The following DHRSX variants were observed in gnomAD, a reference collection of about 807,000 sequenced individuals.
DHRSX encodes dehydrogenase/reductase X-linked, also known as polyprenol dehydrogenase.
A neutral mutation model predicts 34.0 loss-of-function variants in DHRSX; 31 were observed. The observed-to-expected ratio is 0.91, with a 90% CI of 0.69 to 1.23. DHRSX has a LOEUF of 1.23. Ranked by LOEUF, DHRSX falls within the 50% of genes most tolerant of loss-of-function variation. DHRSX has a pLI of 0.00. For synonymous variants in DHRSX, 201 were observed against 183.8 expected, an observed-to-expected ratio of 1.09 and a Z score of -0.76; for missense variants, 414 against 428.1, an observed-to-expected ratio of 0.97 and a Z score of 0.29.
chrX:2,399,293 T>C (rs1442942158), intron 3 of DHRSX, among the ~76,000 whole-genome samples: 1 of 151,936 alleles, frequency 6.6e-6, no homozygotes, highest in Admixed American at 6.6e-5. Flanking sequence ...TCTATCTGTT[T>C]ATCTACGCAT....
chrX:2,499,644 C>T (rs1427656981), intron 1 of DHRSX, among the ~76,000 whole-genome samples: 4 of 151,910 alleles, frequency 2.6e-5, no homozygotes, highest in East Asian at 1.9e-4. Context: ...TGGTGGCTCA[C>T]GCCTGTAAAC....
chrX:2,480,780 T>G (rs775228509), intron 1 of DHRSX, among the ~76,000 whole-genome samples: 9 of 152,226 alleles, frequency 5.9e-5, no homozygotes, highest in Non-Finnish European at 8.8e-5. Context: ...AACATGATGC[T>G]GCACTCCAGC....
At chrX:2,357,651 C>T (rs1436571952) in intron 3 of DHRSX, among the ~76,000 whole-genome samples, 8 of 150,276 alleles carry the variant, frequency 5.3e-5, no homozygotes, top group Admixed American at 4.7e-4. Context: ...ACCCTAGACC[C>T]GATATGGGAA....
chrX:2,488,279 C>T (rs1408754779), intron 1 of DHRSX: 3 of 236,884 alleles, frequency 1.3e-5, no homozygotes, highest in African/African-American at 2.2e-5. Flanking sequence ...CAGGTTCAAG[C>T]GATTCTCTGG....
intron 1 of DHRSX, among the ~76,000 whole-genome samples, chrX:2,483,071 G>A (rs2044798300): frequency 6.6e-6 from 1 of 152,032 alleles, no homozygotes; most frequent in Non-Finnish European, 1.5e-5. Flanking sequence ...CACAACTTCT[G>A]CTTAATCGTG....
At chrX:2,393,227 A>G (rs1327968402) in intron 3 of DHRSX, among the ~76,000 whole-genome samples, 1 of 151,336 alleles carries the variant, frequency 6.6e-6, no homozygotes, top group Non-Finnish European at 1.5e-5. Context: ...TAAATATATG[A>G]ACCTAAAATA....
intron 3 of DHRSX, among the ~76,000 whole-genome samples, chrX:2,321,653 C>A (rs949669177): frequency 2.0e-5 from 3 of 152,058 alleles, no homozygotes; most frequent in African/African-American, 7.2e-5. Flanking sequence ...AACCATGGTG[C>A]CACCTGGATG....
At chrX:2,348,315 G>C (rs968878170) in intron 3 of DHRSX, among the ~76,000 whole-genome samples, 2 of 152,154 alleles carry the variant, frequency 1.3e-5, no homozygotes, top group Non-Finnish European at 2.9e-5. Context: ...ATTAAACATA[G>C]AAGCAAAGGC....
chrX:2,428,953 C>G (rs1282507466), intron 1 of DHRSX, among the ~76,000 whole-genome samples: 1 of 152,014 alleles, frequency 6.6e-6, no homozygotes, highest in African/African-American at 2.4e-5. Flanking sequence ...ATTTGTCAGC[C>G]CGTACATTTC....
At chrX:2,355,511 T>TAAAAAAAAAAAAAA (rs767512287) in intron 3 of DHRSX, among the ~76,000 whole-genome samples, 2 of 75,302 alleles carry the variant, frequency 2.7e-5, no homozygotes, top group African/African-American at 4.5e-5. Context: ...AGACCCCATC[T>TAAAAAAAAAAAAAA]AAAAAAAAAA....
chrX:2,228,950 A>G (rs1188438001), intron 6 of DHRSX, among the ~76,000 whole-genome samples: 1 of 152,148 alleles, frequency 6.6e-6, no homozygotes, highest in Non-Finnish European at 1.5e-5. Context: ...CTAACGCTCC[A>G]CTGCCAGGAG....
rs191487534 is a variant in DHRSX at position 2,318,096 on chromosome X, G to A, written c.287-26493C>T. On this transcript the variant is annotated intron_variant, in intron 3 of 6. Transcript: ENST00000334651. The stretch of plus-strand genomic sequence containing the variant: ...GCAGTGGCTCATGCCTGTAATACCA[G>A]AGCTTTGGGAGGCTGAGGCAGGAGG... Among the ~76,000 whole-genome samples the A allele has an allele frequency of 2.6e-3, 392 of 151,404 alleles. 1 individual carries two copies. Among genetic ancestry groups the A allele is most frequent in the African/African-American group, 9.1e-3 (378 of 41,316 alleles).
chrX:2,444,985 C>T (rs564484782), intron 1 of DHRSX, among the ~76,000 whole-genome samples: 4 of 152,136 alleles, frequency 2.6e-5, no homozygotes, highest in African/African-American at 7.2e-5. Context: ...GGAGAAACCC[C>T]GTCTCTACTA....
intron 3 of DHRSX, among the ~76,000 whole-genome samples, chrX:2,316,905 G>C (rs1297616451): frequency 1.3e-5 from 2 of 152,166 alleles, no homozygotes; most frequent in Non-Finnish European, 2.9e-5. Flanking sequence ...GGTTGAGAAT[G>C]TGCCCCAGTC....
chrX:2,347,633 G>A (rs1298393759), intron 3 of DHRSX, among the ~76,000 whole-genome samples: 1 of 152,200 alleles, frequency 6.6e-6, no homozygotes, highest in Non-Finnish European at 1.5e-5. Context: ...GGTGGAGGCT[G>A]TAGTGAGCCG....
At chrX:2,440,660 T>C (rs1173261666) in intron 1 of DHRSX, among the ~76,000 whole-genome samples, 2 of 152,020 alleles carry the variant, frequency 1.3e-5, no homozygotes, top group African/African-American at 2.4e-5. Flanking sequence ...CCCAGGGTCT[T>C]TGGGTTTTGG....
intron 4 of DHRSX, among the ~76,000 whole-genome samples, chrX:2,275,796 GAAAT>G (rs201038086): frequency 4.7e-5 from 7 of 150,424 alleles, no homozygotes; most frequent in African/African-American, 1.7e-4. Context: ...CTCAAAAAAG[GAAAT>G]AAATAAATAA....
chrX:2,227,029 G>A (rs1030743998), intron 6 of DHRSX, among the ~76,000 whole-genome samples: 2 of 152,018 alleles, frequency 1.3e-5, no homozygotes, highest in African/African-American at 2.4e-5. Flanking sequence ...TCCCTCCGGA[G>A]GCAGCCCCTT....
chrX:2,449,539 A>G (rs1199812977), intron 1 of DHRSX, among the ~76,000 whole-genome samples: 1 of 152,084 alleles, frequency 6.6e-6, no homozygotes, highest in Non-Finnish European at 1.5e-5. Context: ...CGATTGCCCA[A>G]CCTGGAGTGC....
Sources: gnomAD v4.1 joint callset for allele counts (sites outside exome capture counted in the v4.1 genomes callset) on GRCh38, gnomAD v4.1.1 for gene constraint, MANE v1.5 for transcripts, NCBI Gene and HGNC (gene_info 2026-07-23, HGNC 2026-07-21) for gene names.